The following THADA variants were observed in gnomAD, a reference collection of about 807,000 sequenced individuals.
THADA encodes the protein THADA armadillo repeat containing.
In THADA, 213 loss-of-function variants were observed where a neutral mutation model predicts 219.8. The observed-to-expected ratio is 0.97, with a 90% CI of 0.87 to 1.09. THADA has a LOEUF of 1.09. THADA is among the 50% of genes least tolerant of loss of function. THADA has a pLI of 0.00. For missense variants in THADA, 2,956 were observed against 2,311.3 expected, an observed-to-expected ratio of 1.28 and a Z score of -5.72; for synonymous variants, 1,018 against 828.9, an observed-to-expected ratio of 1.23 and a Z score of -3.92.
rs530168724 is a variant in THADA at position 43,445,655 on chromosome 2, T to C, written c.3837-15353A>G. On this transcript the variant is annotated intron_variant, in intron 26 of 37. Transcript: ENST00000405975. ...CCTGCCGATCCTCTGTAGGTAGCCA[T>C]AGGATTTTTGGACTTTTTTTGTTTT... 1.1e-4 allele frequency among the ~76,000 whole-genome samples: 16 copies of C among 152,288 alleles called. No individual in the cohort carries two copies. In the South Asian group the frequency reaches 3.1e-3, roughly 30 times the overall value.
chr2:43,407,356 T>C (rs543546826), intron 28 of THADA, among the ~76,000 whole-genome samples: 1 of 152,340 alleles, frequency 6.6e-6, no homozygotes, highest in East Asian at 1.9e-4. Flanking sequence ...AAGGAATGCT[T>C]TTATTGACAT....
Position 43,572,827 on chromosome 2 carries a change from T to C in THADA, c.1895A>G (p.His632Arg). Residue 632 changes from histidine to arginine, a missense_variant, in exon 12 of 38, where the codon CAT (histidine) becomes CGT (arginine). Transcript: ENST00000405975. ...SDARIKQGLI[H>R]QHCQVRIDTL... ...TTCTTTACTTACTTGGCAATGCTGA[T>C]GAATTAAGCCTTGCTTTATTCTTGC... is the stretch of plus-strand genomic sequence containing the variant. 1 of 1,613,450 alleles carries C rather than the reference T, an allele frequency of 6.2e-7. No homozygotes were observed. Among genetic ancestry groups the C allele is most frequent in the African/African-American group, 1.3e-5 (1 of 75,034 alleles).
At chr2:43,343,014 A>G (rs2104533175) in intron 30 of THADA, 1 of 152,150 alleles carries the variant, frequency 6.6e-6, no homozygotes, top group South Asian at 2.1e-4. Flanking sequence ...TTTGTTTCTC[A>G]AACTCTAAGC....
Position 43,556,487 on chromosome 2 carries a change from G to A in THADA, c.2532C>T (p.Asp844=). ...LELSTSTKPY[D]CVTASYLLNF... ...TCAGCAGGTAGGAAGCTGTCACACA[G>A]TCGTATGGTTTGGTGCTTGTGCTGA... The change falls in exon 17 of 38, where the codon GAC becomes GAT. Residue 844 remains aspartate (D), a synonymous_variant. Coordinates refer to ENST00000405975, the MANE Select transcript of THADA (RefSeq NM_022065.5). The A allele has an allele frequency of 6.2e-7, 1 of 1,613,908 alleles. No individual in the cohort carries two copies. Among genetic ancestry groups the A allele is most frequent in the East Asian group, 2.2e-5 (1 of 44,884 alleles).
rs1458497458 is a variant in THADA, at chr2:43,335,206, A to C, written c.4343+8916T>G. ...GATTCACGTGCACATTTTCTTTCTG[A>C]GAATCACTGTTCTAGAGAAGGCTTA... On this transcript the variant is annotated intron_variant, in intron 30 of 37. Coordinates refer to ENST00000405975, the MANE Select transcript of THADA (RefSeq NM_022065.5). Among the ~76,000 whole-genome samples, 5 of 152,282 alleles carry C rather than the reference A, an allele frequency of 3.3e-5. No individual in the cohort carries two copies. The East Asian group carries it at 9.6e-4, about 29-fold the overall frequency.
chr2:43,573,183 A>C (rs1699489372), intron 11 of THADA, among the ~76,000 whole-genome samples, 191 bp from the exon 12 acceptor site: 1 of 152,238 alleles, frequency 6.6e-6, no homozygotes, highest in South Asian at 2.1e-4. Flanking sequence ...CCCTTTTGTC[A>C]ATCATTTCAA....
At chr2:43,430,577 T>C in intron 26 of THADA, 1 of 480,252 alleles carries the variant, frequency 2.1e-6, no homozygotes, top group Admixed American at 2.4e-5. Context: ...GGAAGAAATA[T>C]GTAATCTGTG....
chr2:43,407,514 T>G (rs928611107), intron 28 of THADA, among the ~76,000 whole-genome samples: 1 of 152,188 alleles, frequency 6.6e-6, no homozygotes, highest in African/African-American at 2.4e-5. Context: ...TGAGTAAATT[T>G]TTCTTTGACC....
At chr2:43,231,437 G>T in intron 37 of THADA, 94 bp from the exon 38 acceptor site, 4 of 1,322,000 alleles carry the variant, frequency 3.0e-6, no homozygotes, top group East Asian at 2.6e-5. Flanking sequence ...TGCAAGAGGG[G>T]TTTCCCTTCC....
intron 21 of THADA, among the ~76,000 whole-genome samples, chr2:43,529,801 T>C (rs746771003): frequency 2.0e-5 from 3 of 152,206 alleles, no homozygotes; most frequent in Non-Finnish European, 4.4e-5. Flanking sequence ...TAGATTAGTA[T>C]TCTGCACACA....
At chr2:43,544,297 G>A (rs1244083816) in intron 20 of THADA, among the ~76,000 whole-genome samples, 1 of 152,196 alleles carries the variant, frequency 6.6e-6, no homozygotes, top group Non-Finnish European at 1.5e-5. Flanking sequence ...ATAGTTTGAA[G>A]TCAGGTAGCA....
intron 4 of THADA, 133 bp downstream of exon 4, chr2:43,590,691 G>T: frequency 4.1e-6 from 3 of 726,230 alleles, no homozygotes; most frequent in Non-Finnish European, 6.3e-6. Context: ...CAATGAAACA[G>T]AGAACAAACC....
chr2:43,298,737 C>A (rs940252532), intron 31 of THADA, among the ~76,000 whole-genome samples: 5 of 151,970 alleles, frequency 3.3e-5, no homozygotes, highest in South Asian at 4.2e-4. Context: ...TGGTCTGGGG[C>A]CTTAAGAAGG....
intron 36 of THADA, among the ~76,000 whole-genome samples, chr2:43,251,180 T>C (rs1669771728): frequency 6.6e-6 from 1 of 152,092 alleles, no homozygotes; most frequent in Non-Finnish European, 1.5e-5. Flanking sequence ...CAAATGTAAG[T>C]GGATCCTGTG....
At chr2:43,338,547 A>C (rs1202339257) in intron 30 of THADA, among the ~76,000 whole-genome samples, 3 of 152,102 alleles carry the variant, frequency 2.0e-5, no homozygotes, top group African/African-American at 7.2e-5. Context: ...GGCAACCACT[A>C]TTCTACTTTC....
At chr2:43,439,704 G>C (rs1399465931) in intron 26 of THADA, among the ~76,000 whole-genome samples, 1 of 152,154 alleles carries the variant, frequency 6.6e-6, no homozygotes. Context: ...TGAGTGCATA[G>C]GAAAAAATAT....
intron 9 of THADA, among the ~76,000 whole-genome samples, chr2:43,577,676 CA>C (rs1236728732): frequency 6.6e-6 from 1 of 150,716 alleles, no homozygotes; most frequent in Non-Finnish European, 1.5e-5. Flanking sequence ...ATATAGCAAG[CA>C]AAAAAAGAAA....
chr2:43,449,672 G>A (rs1682065027), intron 26 of THADA, among the ~76,000 whole-genome samples: 1 of 152,208 alleles, frequency 6.6e-6, no homozygotes, highest in Admixed American at 6.5e-5. Context: ...GGGAAGCTGA[G>A]GTGGGAGAAT....
intron 26 of THADA, among the ~76,000 whole-genome samples, chr2:43,473,132 C>T (rs908865819): frequency 2.0e-5 from 3 of 152,172 alleles, no homozygotes; most frequent in Non-Finnish European, 2.9e-5. Flanking sequence ...TCTTAGCTTA[C>T]TGTAACTTTT....
Sources: allele counts gnomAD v4.1 joint callset (sites outside exome capture counted in the v4.1 genomes callset), GRCh38; gene constraint gnomAD v4.1.1; transcripts MANE v1.5; gene names NCBI Gene and HGNC (gene_info 2026-07-23, HGNC 2026-07-21).